CPEB2: variants seen among roughly 807,000 people sequenced by gnomAD.
The protein encoded by CPEB2 is cytoplasmic polyadenylation element binding protein 2.
Under a neutral mutation model 93.6 loss-of-function variants are expected in CPEB2, and 56 were observed. The ratio of observed to expected loss-of-function variants is 0.60; its 90% CI spans 0.48 to 0.75. The LOEUF is 0.75. CPEB2 is among the 30% of genes least tolerant of loss of function. The pLI, the probability that CPEB2 is intolerant of heterozygous loss-of-function variation, is 0.00. For missense variants in CPEB2, 1,579 were observed against 1,395.1 expected (o/e 1.13, Z -2.10); for synonymous variants, 764 against 586.3 (o/e 1.30, Z -4.38).
chr4:15,058,306 C>G, intron 8 of CPEB2, 115 bp from the exon 9 acceptor site: 1 of 649,482 alleles, frequency 1.5e-6, no homozygotes, highest in Non-Finnish European at 2.7e-6. Context: ...GGTTTTTCAT[C>G]CTATTTGATA....
chr4:15,012,844 T>G (rs928749990), intron 3 of CPEB2, among the ~76,000 whole-genome samples: 11 of 152,208 alleles, frequency 7.2e-5, no homozygotes, highest in African/African-American at 2.6e-4. Context: ...TCTATAATCT[T>G]ATTTTTCTTT....
chr4:15,026,124 C>G (rs965118030), intron 4 of CPEB2, among the ~76,000 whole-genome samples: 2 of 152,078 alleles, frequency 1.3e-5, no homozygotes, highest in Non-Finnish European at 2.9e-5. Flanking sequence ...TCTTTGGCAC[C>G]CCTATCAAGG....
At chr4:15,043,600 A>G (rs1478442202) in intron 6 of CPEB2, among the ~76,000 whole-genome samples, 1 of 152,126 alleles carries the variant, frequency 6.6e-6, no homozygotes, top group Non-Finnish European at 1.5e-5. Context: ...GTGAAGTGTA[A>G]TTTAAGTTCG....
chr4:15,010,771 C>T (rs1202350551), intron 3 of CPEB2, among the ~76,000 whole-genome samples: 1 of 151,970 alleles, frequency 6.6e-6, no homozygotes, highest in East Asian at 1.9e-4. Flanking sequence ...CTTTTTATTT[C>T]CTTTAGTCTC....
In CPEB2 at chr4:15,003,316, G is replaced by A. The variant is rs774696111; in HGVS notation, c.643G>A (p.Ala215Thr). The A allele has an allele frequency of 3.5e-6, 5 of 1,414,544 alleles. No homozygotes were observed. In the South Asian group the frequency reaches 4.7e-5, roughly 13 times the overall value. 87.6% of individuals were successfully genotyped at this position (1,414,544 alleles called of 1,614,324 possible). ...TCGGTTCAGCCCGCCGCCGCCGCCA[G>A]CCGGCCCGCTCCTCCAGCCGGCGCA... ...PGRFSPPPPP[A>T]GPLLQPAQLA... Residue 215 changes from alanine to threonine, a missense_variant, in exon 1 of 12, where the codon GCC (alanine) becomes ACC (threonine). By Grantham distance (58) the Ala-to-Thr change is moderately conservative. Transcript: ENST00000538197.
intron 4 of CPEB2, among the ~76,000 whole-genome samples, chr4:15,024,822 T>A (rs1431956714): frequency 6.6e-6 from 1 of 151,150 alleles, no homozygotes; most frequent in Non-Finnish European, 1.5e-5. Context: ...CTTGGCTCAC[T>A]GCAACCTTTG....
intron 5 of CPEB2, among the ~76,000 whole-genome samples, chr4:15,038,281 C>T (rs1726828550): frequency 6.6e-6 from 1 of 152,130 alleles, no homozygotes; most frequent in Non-Finnish European, 1.5e-5. Flanking sequence ...ATTGAGTAGC[C>T]TCAGCTAAGA....
At chr4:15,039,457 G>A (rs937454832) in intron 5 of CPEB2, among the ~76,000 whole-genome samples, 3 of 151,884 alleles carry the variant, frequency 2.0e-5, no homozygotes, top group Non-Finnish European at 4.4e-5. Context: ...ATTCAATATT[G>A]AATTTTTTCC....
At chr4:15,026,656 A>C (rs762831116) in intron 4 of CPEB2, among the ~76,000 whole-genome samples, 1 of 152,236 alleles carries the variant, frequency 6.6e-6, no homozygotes, top group Non-Finnish European at 1.5e-5. Context: ...GGAGGAGCCC[A>C]GTAAATTATT....
intron 6 of CPEB2, among the ~76,000 whole-genome samples, chr4:15,047,182 TCTTGAAA>T (rs1187331773): frequency 6.6e-6 from 1 of 152,194 alleles, no homozygotes; most frequent in African/African-American, 2.4e-5. Flanking sequence ...AACTAGTGAG[TCTTGAAA>T]CTTGGTAGTG....
At position 15,062,140 on chromosome 4, in the gene CPEB2, A is replaced by G; in HGVS notation, c.2757A>G (p.Thr919=). 6.2e-7 allele frequency: 1 copy of G among 1,612,528 alleles called. No homozygotes were observed. The highest frequency in any genetic ancestry group is 8.5e-7 in the Non-Finnish European group (1 of 1,178,922). Residue 919 remains threonine (T), a synonymous_variant, in exon 11 of 12, where the codon ACA becomes ACG. Coordinates refer to ENST00000538197, the MANE Select transcript of CPEB2 (RefSeq NM_001177382.2). ...GAGTTTGTTATGCAGGAATTGATAC[A>G]GATCCTGAGCTAAAATACCCAAAAG... ...YGGVCYAGID[T]DPELKYPKGA...
At chr4:15,043,647 G>A (rs1727392571) in intron 6 of CPEB2, among the ~76,000 whole-genome samples, 1 of 151,974 alleles carries the variant, frequency 6.6e-6, no homozygotes, top group African/African-American at 2.4e-5. Context: ...AGCACAATAA[G>A]TTCCTTTAAT....
At chr4:15,021,418 T>C (rs976023551) in intron 4 of CPEB2, among the ~76,000 whole-genome samples, 2 of 152,188 alleles carry the variant, frequency 1.3e-5, no homozygotes, top group African/African-American at 2.4e-5. Flanking sequence ...TTTTAATATA[T>C]GTGTATATAT....
In CPEB2 at chr4:15,003,159, C is replaced by T. The variant is rs1447485741; in HGVS notation, c.486C>T (p.Ser162=). 13 of 1,534,548 alleles carry T rather than the reference C, an allele frequency of 8.5e-6. No individual in the cohort carries two copies. The highest frequency in any genetic ancestry group is 1.1e-5 in the Non-Finnish European group (13 of 1,146,298). The change falls in exon 1 of 12, where the codon TCC becomes TCT. Residue 162 remains serine, a synonymous_variant. Transcript: ENST00000538197. ...CCTGCTGCTGCTGCCGCACCTCCTC[C>T]CCGCAGGACTTCAGTAAGCGGCAGC... ...ASSCCCCRTS[S]PQDFSKRQQQ... is the part of the protein sequence containing the mutation.
intron 5 of CPEB2, among the ~76,000 whole-genome samples, chr4:15,038,325 A>G (rs1188496725): frequency 6.6e-6 from 1 of 152,242 alleles, no homozygotes; most frequent in East Asian, 1.9e-4. Context: ...TAATTTTCTC[A>G]ATAGGTCAAT....
At chr4:15,019,308 A>G (rs961254890) in intron 4 of CPEB2, among the ~76,000 whole-genome samples, 5 of 151,948 alleles carry the variant, frequency 3.3e-5, no homozygotes, top group African/African-American at 1.2e-4. Context: ...CTGCCACTTT[A>G]AGTCTTTTTT....
At chr4:15,015,751 A>G (rs1350076524) in intron 3 of CPEB2, among the ~76,000 whole-genome samples, 4 of 152,024 alleles carry the variant, frequency 2.6e-5, no homozygotes, top group Admixed American at 2.6e-4. Flanking sequence ...GATACGTTCC[A>G]AGACAATCAG....
rs147307687 is a variant in CPEB2 at position 15,066,064 on chromosome 4, T to C, written c.2878-89T>C. ...TTTCCTCAGCTTTTAATGCTGGTCC[T>C]TTTTTTCTGCTGTAGAACATTTTAA... On this transcript the variant is annotated intron_variant, in intron 11 of 11. Coordinates refer to ENST00000538197, the MANE Select transcript of CPEB2 (RefSeq NM_001177382.2). 1,403 of 1,148,856 alleles carry C rather than the reference T, an allele frequency of 1.2e-3. 16 individuals carry two copies. In the African/African-American group the frequency reaches 0.019, roughly 15 times the overall value. The allele number at this position is 1,148,856 out of a possible 1,614,324, so 71.2% of individuals were successfully genotyped here.
chr4:15,033,277 C>G, intron 5 of CPEB2, 66 bp downstream of exon 5: 3 of 980,426 alleles, frequency 3.1e-6, no homozygotes, highest in Non-Finnish European at 4.9e-6. Flanking sequence ...ATACATGTTT[C>G]TCTGAACCTG....
Sources: gnomAD v4.1 joint callset for allele counts (sites outside exome capture counted in the v4.1 genomes callset) on GRCh38, gnomAD v4.1.1 for gene constraint, MANE v1.5 for transcripts, NCBI Gene and HGNC (gene_info 2026-07-23, HGNC 2026-07-21) for gene names.